The following WWTR1 variants were observed in gnomAD, a reference collection of about 807,000 sequenced individuals.
The protein encoded by WWTR1 is WW domain-containing transcription regulator protein 1.
Under a neutral mutation model 40.1 loss-of-function variants are expected in WWTR1, and 13 were observed. The ratio of observed to expected loss-of-function variants is 0.32; its 90% confidence interval spans 0.21 to 0.52. The LOEUF (loss-of-function observed/expected upper bound fraction) is 0.52, where lower values mean the gene tolerates loss of function less well. Ranked by LOEUF, WWTR1 falls within the 20% of genes least tolerant of loss-of-function variation. The probability of loss-of-function intolerance (pLI) is 0.97; values close to 1 mark genes in which losing one functional copy is unlikely to be tolerated. For synonymous variants in WWTR1, 230 were observed against 210.1 expected, an observed-to-expected ratio of 1.09 and a Z score of -0.82; for missense variants, 436 against 523.1, an observed-to-expected ratio of 0.83 and a Z score of 1.63.
chr3:149,598,276 C>T lies in WWTR1; in HGVS notation c.432-25276G>A, dbSNP rs147202095. On this transcript the variant is annotated intron_variant, in intron 2 of 6. Transcript: ENST00000360632. ...TCTTGAAGCTACGAATTAGTACTTG[C>T]CACCATCCAGCTGTTGGTTGCCTAT... 5.5e-3 allele frequency among the ~76,000 whole-genome samples: 839 copies of T among 152,296 alleles called. 2 individuals are homozygous for T. The highest frequency in any genetic ancestry group is 0.017 in the Middle Eastern group (5 of 294).
chr3:149,700,954 C>A (rs1715150585), intron 1 of WWTR1, among the ~76,000 whole-genome samples: 1 of 152,228 alleles, frequency 6.6e-6, no homozygotes, highest in African/African-American at 2.4e-5. Context: ...TCTTTGCAGT[C>A]TTTCTACGGA....
chr3:149,665,108 CTT>C (rs1038609899), intron 2 of WWTR1, among the ~76,000 whole-genome samples: 1 of 151,816 alleles, frequency 6.6e-6, no homozygotes, highest in Non-Finnish European at 1.5e-5. Context: ...TAAAAATACA[CTT>C]TTGAAAAGGC....
intron 3 of WWTR1, among the ~76,000 whole-genome samples, chr3:149,550,130 A>G (rs1736547671): frequency 6.6e-6 from 1 of 152,228 alleles, no homozygotes; most frequent in Admixed American, 6.5e-5. Flanking sequence ...AGTGAATACC[A>G]GGAACTTTGC....
chr3:149,675,679 T>C (rs548565399), intron 1 of WWTR1, among the ~76,000 whole-genome samples: 3 of 152,022 alleles, frequency 2.0e-5, no homozygotes, highest in Non-Finnish European at 4.4e-5. Context: ...ATTAAAAACA[T>C]GGAAGTGGAG....
chr3:149,617,423 G>T (rs902863145), intron 2 of WWTR1, among the ~76,000 whole-genome samples: 1 of 152,138 alleles, frequency 6.6e-6, no homozygotes, highest in South Asian at 2.1e-4. Flanking sequence ...AACCACTAGA[G>T]GCTTATGGCT....
At chr3:149,668,340 G>T (rs936668405) in intron 2 of WWTR1, among the ~76,000 whole-genome samples, 5 of 152,032 alleles carry the variant, frequency 3.3e-5, no homozygotes, top group African/African-American at 1.2e-4. Flanking sequence ...CTGACTCTTG[G>T]CCAGGCGTGT....
chr3:149,659,297 CTG>C (rs1298261459), upstream of WWTR1: 2 of 147,390 alleles, frequency 1.4e-5, no homozygotes, highest in Non-Finnish European at 3.0e-5. Context: ...TAAAAGAGAA[CTG>C]TATGTTCTTC....
intron 5 of WWTR1, among the ~76,000 whole-genome samples, chr3:149,713,268 G>A (rs943657265): frequency 1.3e-4 from 20 of 151,938 alleles, no homozygotes; most frequent in East Asian, 7.7e-4. Context: ...CACATAAACC[G>A]TTAGAAATTC....
chr3:149,678,162 C>G (rs1714334098), intron 1 of WWTR1, among the ~76,000 whole-genome samples: 1 of 152,162 alleles, frequency 6.6e-6, no homozygotes. Flanking sequence ...AGATGGATTT[C>G]TAATCTAGTC....
chr3:149,657,531 C>A, intron 1 of WWTR1: 1 of 576,584 alleles, frequency 1.7e-6, no homozygotes, highest in Non-Finnish European at 3.0e-6. Flanking sequence ...TTTCTTGAAG[C>A]AAAGAAGTTG....
intron 1 of WWTR1, among the ~76,000 whole-genome samples, chr3:149,677,279 T>G (rs1411976112): frequency 6.6e-6 from 1 of 152,198 alleles, no homozygotes. Flanking sequence ...AGGAGCAATT[T>G]CATATTTGCT....
chr3:149,580,420 CACAGTGGAAGCCCATT>C (rs1355915523), intron 2 of WWTR1, among the ~76,000 whole-genome samples: 1 of 152,106 alleles, frequency 6.6e-6, no homozygotes, highest in Non-Finnish European at 1.5e-5. Context: ...GGGAGCTGAG[CACAGTGGAAGCCCATT>C]GCAGTGGGAG....
intron 2 of WWTR1, among the ~76,000 whole-genome samples, chr3:149,654,305 T>G (rs988111559): frequency 6.6e-6 from 1 of 152,232 alleles, no homozygotes; most frequent in African/African-American, 2.4e-5. Context: ...GACATTTACC[T>G]AATTCCAACT....
At chr3:149,557,043 G>A (rs1576557371) in intron 3 of WWTR1, among the ~76,000 whole-genome samples, 2 of 122,104 alleles carry the variant, frequency 1.6e-5, no homozygotes, top group Non-Finnish European at 3.3e-5. Flanking sequence ...AACTCCTAGT[G>A]TTCCCTACTG....
intron 2 of WWTR1, among the ~76,000 whole-genome samples, chr3:149,587,044 T>C (rs960066570): frequency 1.3e-5 from 2 of 152,208 alleles, no homozygotes; most frequent in African/African-American, 4.8e-5. Flanking sequence ...CCCTGAGTTA[T>C]GTGAGTCATT....
intron 2 of WWTR1, among the ~76,000 whole-genome samples, chr3:149,629,323 T>A (rs993240118): frequency 2.0e-5 from 2 of 99,462 alleles, no homozygotes; most frequent in Non-Finnish European, 4.8e-5. Flanking sequence ...AAAGTACTTA[T>A]ATTGTATTTT....
chr3:149,625,694 G>A (rs1201821434), intron 2 of WWTR1, among the ~76,000 whole-genome samples: 2 of 151,820 alleles, frequency 1.3e-5, no homozygotes, highest in Non-Finnish European at 2.9e-5. Context: ...GGAAGGCTGA[G>A]GCAGGAGAAT....
intron 1 of WWTR1, among the ~76,000 whole-genome samples, chr3:149,678,130 T>C (rs79234089): frequency 0.022 from 3,396 of 152,266 alleles, 45 homozygotes; most frequent in Non-Finnish European, 0.035. Flanking sequence ...GCAAATGTAA[T>C]GGTGCATTTC....
intron 2 of WWTR1, among the ~76,000 whole-genome samples, chr3:149,604,857 G>A (rs1739412789): frequency 6.6e-6 from 1 of 152,262 alleles, no homozygotes; most frequent in Admixed American, 6.5e-5. Context: ...GGCCCACACA[G>A]AAGCTGAAGC....
Sources: gnomAD v4.1 joint callset for allele counts (sites outside exome capture counted in the v4.1 genomes callset) on GRCh38, gnomAD v4.1.1 for gene constraint, MANE v1.5 for transcripts, NCBI Gene and HGNC (gene_info 2026-07-23, HGNC 2026-07-21) for gene names.